Variants in FAM13C observed in about 807,000 individuals in gnomAD.
FAM13C encodes protein FAM13C.
Under a neutral mutation model 73.2 loss-of-function variants are expected in FAM13C, and 37 were observed. That is an observed-to-expected ratio of 0.51 (90% CI 0.39 to 0.67). FAM13C has a LOEUF of 0.67. FAM13C is among the 30% of genes least tolerant of loss of function. The pLI is 0.00. For missense variants in FAM13C, 589 were observed against 715.6 expected, an observed-to-expected ratio of 0.82 and a Z score of 2.02; for synonymous variants, 246 against 260.9, an observed-to-expected ratio of 0.94 and a Z score of 0.55.
chr10:59,360,110 C>T (rs1856211715), intron 1 of FAM13C, among the ~76,000 whole-genome samples: 1 of 152,170 alleles, frequency 6.6e-6, no homozygotes, highest in African/African-American at 2.4e-5. Flanking sequence ...TTGAGTCCCT[C>T]CCAATTTCCC....
At chr10:59,263,418 T>C (rs1842713970) in intron 9 of FAM13C, among the ~76,000 whole-genome samples, 1 of 152,234 alleles carries the variant, frequency 6.6e-6, no homozygotes, top group African/African-American at 2.4e-5. Context: ...CATTACAGTT[T>C]AATACCACTG....
intron 6 of FAM13C, among the ~76,000 whole-genome samples, chr10:59,281,639 C>T (rs1202411890): frequency 1.3e-5 from 2 of 152,192 alleles, no homozygotes; most frequent in Non-Finnish European, 1.5e-5. Context: ...CTAGTTCCTC[C>T]GTGTGAGCAA....
intron 5 of FAM13C, among the ~76,000 whole-genome samples, chr10:59,289,695 G>A (rs1003420521): frequency 2.0e-5 from 3 of 152,186 alleles, no homozygotes; most frequent in Admixed American, 2.0e-4. Context: ...AGCCCAGGGA[G>A]TGAGTGACTA....
At chr10:59,320,425 G>A (rs1228185815) in intron 4 of FAM13C, among the ~76,000 whole-genome samples, 1 of 152,184 alleles carries the variant, frequency 6.6e-6, no homozygotes, top group Non-Finnish European at 1.5e-5. Flanking sequence ...GAAGATGGAA[G>A]TGGCTTTAAC....
rs1391541099 is a variant in FAM13C at position 59,329,384 on chromosome 10, G to A, written c.325-5278C>T. 9.3e-5 allele frequency among the ~76,000 whole-genome samples: 8 copies of A among 86,010 alleles called. No individual in the cohort carries two copies. The East Asian group carries it at 1.1e-3, about 12-fold the overall frequency. 56.4% of individuals were successfully genotyped at this position (86,010 alleles called of 152,430 possible). Reference sequence around the variant, plus strand: ...TTTTTTTTTTTTTTTTTTTGAGACAGAATCTTGCTCTGTCACTCAGGCTGG... The same window carrying A: ...TTTTTTTTTTTTTTTTTTTGAGACAAAATCTTGCTCTGTCACTCAGGCTGG... On this transcript the variant is annotated intron_variant, in intron 3 of 13. Transcript: ENST00000618804.
intron 3 of FAM13C, among the ~76,000 whole-genome samples, chr10:59,324,345 A>G (rs912703767): frequency 2.0e-5 from 3 of 152,218 alleles, no homozygotes; most frequent in African/African-American, 7.2e-5. Flanking sequence ...TGTCCAAAAG[A>G]TATGGTATAG....
At chr10:59,283,484 G>A (rs61738820) in intron 5 of FAM13C, 37 bp from the exon 6 acceptor site, 138,979 of 1,604,210 alleles carry the variant, frequency 0.087, 7,020 homozygotes, top group Non-Finnish European at 0.1. Context: ...GATCAGATTC[G>A]AGGGCTTGCA....
intron 4 of FAM13C, among the ~76,000 whole-genome samples, chr10:59,304,685 A>G (rs1242989682): frequency 6.6e-6 from 1 of 150,668 alleles, no homozygotes; most frequent in Non-Finnish European, 1.5e-5. Context: ...AATAATCTGT[A>G]CAACAAACCC....
At chr10:59,354,498 C>G (rs574808272) in intron 2 of FAM13C, among the ~76,000 whole-genome samples, 40 of 152,324 alleles carry the variant, frequency 2.6e-4, no homozygotes, top group African/African-American at 9.6e-4. Context: ...GATCCTCCCA[C>G]TTATTAGTTG....
chr10:59,259,724 T>G (rs1842300856), intron 10 of FAM13C, among the ~76,000 whole-genome samples: 1 of 152,124 alleles, frequency 6.6e-6, no homozygotes, highest in Non-Finnish European at 1.5e-5. Context: ...GATACTTCAT[T>G]AAAAATAATA....
chr10:59,310,900 A>G (rs1232670190), intron 4 of FAM13C, among the ~76,000 whole-genome samples: 3 of 152,212 alleles, frequency 2.0e-5, no homozygotes, highest in South Asian at 4.1e-4. Context: ...GATGACATAT[A>G]GTTAAGAAGC....
chr10:59,330,637 C>T (rs1851846954), intron 3 of FAM13C, among the ~76,000 whole-genome samples: 2 of 152,042 alleles, frequency 1.3e-5, no homozygotes, highest in Non-Finnish European at 2.9e-5. Context: ...AGATAGCTGC[C>T]TTGAGTATTT....
At chr10:59,293,298 G>T (rs527629112) in intron 5 of FAM13C, among the ~76,000 whole-genome samples, 1 of 151,690 alleles carries the variant, frequency 6.6e-6, no homozygotes, top group African/African-American at 2.4e-5. Context: ...GGATGGTCTC[G>T]ATCTCCTGAC....
At chr10:59,336,572 C>T (rs1432796664) in intron 3 of FAM13C, among the ~76,000 whole-genome samples, 1 of 152,126 alleles carries the variant, frequency 6.6e-6, no homozygotes, top group African/African-American at 2.4e-5. Context: ...CCCAGTTGTG[C>T]CCATGTCCTA....
intron 8 of FAM13C, 54 bp from the exon 9 acceptor site, chr10:59,264,220 G>C (rs1842798969): frequency 8.3e-7 from 1 of 1,210,154 alleles, no homozygotes; most frequent in Admixed American, 1.8e-5. Context: ...GGGAGAGGGT[G>C]GGGGAGAAAA....
At chr10:59,251,953 A>G (rs1307437432) in intron 12 of FAM13C, among the ~76,000 whole-genome samples, 7 of 152,178 alleles carry the variant, frequency 4.6e-5, no homozygotes, top group Non-Finnish European at 1.0e-4. Context: ...TGGAAAGGGT[A>G]ACAGCAATAT....
chr10:59,322,992 G>A (rs1371762388), intron 4 of FAM13C, among the ~76,000 whole-genome samples: 3 of 152,202 alleles, frequency 2.0e-5, no homozygotes. Context: ...CCTTACCTTT[G>A]AGGTCCCCTC....
At chr10:59,249,777 T>C (rs151293788) in intron 13 of FAM13C, among the ~76,000 whole-genome samples, 127 of 152,328 alleles carry the variant, frequency 8.3e-4, no homozygotes, top group African/African-American at 2.8e-3. Flanking sequence ...AGTTGAAATA[T>C]ATCATCACAA....
intron 4 of FAM13C, among the ~76,000 whole-genome samples, chr10:59,306,702 C>T (rs1209944472): frequency 6.6e-6 from 1 of 152,134 alleles, no homozygotes; most frequent in East Asian, 1.9e-4. Flanking sequence ...ACAGTGAAAC[C>T]CCATCTCTAC....
Sources: gnomAD v4.1 joint callset for allele counts (sites outside exome capture counted in the v4.1 genomes callset) on GRCh38, gnomAD v4.1.1 for gene constraint, MANE v1.5 for transcripts, NCBI Gene and HGNC (gene_info 2026-07-23, HGNC 2026-07-21) for gene names.